SNRPN: variants seen among roughly 807,000 people sequenced by gnomAD.
SNRPN encodes small nuclear ribonucleoprotein-associated protein N.
Under a neutral mutation model 25.2 loss-of-function variants are expected in SNRPN, and 7 were observed. The ratio of observed to expected loss-of-function variants is 0.28; its 90% CI spans 0.16 to 0.52. The LOEUF (loss-of-function observed/expected upper bound fraction) is 0.52. Among genes scored for constraint, SNRPN ranks in the 20% least tolerant of loss-of-function variants. The pLI is 0.96. For missense variants in SNRPN, 196 were observed against 322.5 expected (o/e 0.61, Z 3.00); for synonymous variants, 124 against 110.6 (o/e 1.12, Z -0.76).
At chr15:24,972,569 G>T (rs2076558347) in intron 3 of SNRPN, among the ~76,000 whole-genome samples, 1 of 142,028 alleles carries the variant, frequency 7.0e-6, no homozygotes, top group Non-Finnish European at 1.5e-5. Context: ...TTGAGATGGA[G>T]TTTCACTCTT....
chr15:24,867,296 A>G (rs771332755), intron 1 of SNRPN, among the ~76,000 whole-genome samples: 18 of 152,072 alleles, frequency 1.2e-4, no homozygotes, highest in African/African-American at 2.2e-4. Context: ...ACTCTTTTTA[A>G]TAATAGCCTT....
At chr15:24,830,217 T>C (rs1295264852) in intron 2 of SNRPN, among the ~76,000 whole-genome samples, 6 of 152,084 alleles carry the variant, frequency 3.9e-5, no homozygotes, top group African/African-American at 1.5e-4. Flanking sequence ...ATTTCCTGAC[T>C]TGGTAGCCAA....
chr15:24,868,870 C>G (rs12902043), intron 1 of SNRPN, among the ~76,000 whole-genome samples: 1 of 152,006 alleles, frequency 6.6e-6, no homozygotes, highest in South Asian at 2.1e-4. Context: ...GGTGCAATAG[C>G]TCACACCGGT....
chr15:24,885,996 C>T (rs567563093), intron 1 of SNRPN, among the ~76,000 whole-genome samples: 1 of 152,254 alleles, frequency 6.6e-6, no homozygotes, highest in Admixed American at 6.5e-5. Context: ...AGTACATAGC[C>T]TCACTTCTCT....
intron 1 of SNRPN, among the ~76,000 whole-genome samples, chr15:24,881,263 C>T (rs549858173): frequency 2.0e-5 from 3 of 151,826 alleles, no homozygotes; most frequent in South Asian, 2.1e-4. Flanking sequence ...TGGCTCATGC[C>T]TGTAATCTCA....
In SNRPN at chr15:24,881,526, C is replaced by CGA. The variant is rs758798894; in HGVS notation, c.-578-4962_-578-4961dup. 5.0e-3 allele frequency among the ~76,000 whole-genome samples: 360 copies of CGA among 72,212 alleles called. 1 individual carries two copies. The highest frequency in any genetic ancestry group is 0.02 in the Middle Eastern group (2 of 102). The allele number at this position is 72,212 out of a possible 152,430, so 47.4% of individuals were successfully genotyped here. A position where few individuals can be genotyped will look rare whatever the true frequency, so the allele number is the denominator to read the frequency against. On this transcript the variant is annotated intron_variant, in intron 1 of 11. Transcript: ENST00000400097. ...AGCCTGGGCAACAAGAGCGAAACTC[C>CGA]GAGAGAGAGAGAGAGAGAGAGAGAG... is the stretch of plus-strand genomic sequence containing the variant.
intron 3 of SNRPN, among the ~76,000 whole-genome samples, chr15:24,973,637 T>G (rs1423051212): frequency 6.6e-6 from 1 of 152,182 alleles, no homozygotes; most frequent in African/African-American, 2.4e-5. Context: ...TGACCTCAGG[T>G]GATCCACCTG....
intron 2 of SNRPN, among the ~76,000 whole-genome samples, chr15:24,904,450 C>A (rs1266071883): frequency 6.6e-6 from 1 of 151,988 alleles, no homozygotes; most frequent in Non-Finnish European, 1.5e-5. Context: ...AGGTTAGGAG[C>A]TCAAGACCGG....
intron 2 of SNRPN, among the ~76,000 whole-genome samples, chr15:24,966,251 C>T (rs560906745): frequency 5.9e-5 from 9 of 152,012 alleles, no homozygotes; most frequent in African/African-American, 2.2e-4. Flanking sequence ...TTATAAATGA[C>T]TAGTAGATCT....
chr15:24,839,543 C>T (rs920288948), intron 2 of SNRPN, among the ~76,000 whole-genome samples: 3 of 152,084 alleles, frequency 2.0e-5, no homozygotes, highest in Admixed American at 6.5e-5. Context: ...CTGTCAGCAA[C>T]GGCCCACACA....
intron 1 of SNRPN, among the ~76,000 whole-genome samples, chr15:24,875,008 G>A (rs1017381827): frequency 5.4e-4 from 82 of 152,126 alleles, no homozygotes; most frequent in African/African-American, 1.8e-3. Context: ...AATTGTAAGT[G>A]ATAAGATGTA....
At chr15:24,853,584 G>A (rs563253455), upstream of SNRPN, among the ~76,000 whole-genome samples, 14 of 152,132 alleles carry the variant, frequency 9.2e-5, no homozygotes, top group African/African-American at 2.9e-4. Flanking sequence ...TAGTGGAGAC[G>A]GGGTTTCACC....
At chr15:24,881,742 A>T (rs949535319) in intron 1 of SNRPN, among the ~76,000 whole-genome samples, 1 of 152,182 alleles carries the variant, frequency 6.6e-6, no homozygotes, top group Non-Finnish European at 1.5e-5. Context: ...CATAAAGTGC[A>T]TCTAGATTTT....
chr15:24,901,283 A>C (rs1027817093), intron 2 of SNRPN, among the ~76,000 whole-genome samples: 3 of 152,176 alleles, frequency 2.0e-5, no homozygotes, highest in Admixed American at 2.0e-4. Context: ...GGGATGTACC[A>C]GTAATCAGAA....
chr15:24,963,813 T>C (rs1217652620), intron 2 of SNRPN, among the ~76,000 whole-genome samples: 2 of 151,838 alleles, frequency 1.3e-5, no homozygotes, highest in Non-Finnish European at 2.9e-5. Context: ...CTGAGGTGGA[T>C]CACTTGAGCC....
At chr15:24,834,751 C>CTCTCTCTCTCTCTCTATATATATA in intron 2 of SNRPN, among the ~76,000 whole-genome samples, 21 of 60,944 alleles carry the variant, frequency 3.4e-4, no homozygotes, top group African/African-American at 4.2e-4. Flanking sequence ...CTCTCTCTCT[C>CTCTCTCTCTCTCTCTATATATATA]TATATATATA....
At chr15:24,964,712 T>G (rs555967312) in intron 2 of SNRPN, among the ~76,000 whole-genome samples, 3 of 152,208 alleles carry the variant, frequency 2.0e-5, no homozygotes, top group Admixed American at 6.5e-5. Flanking sequence ...TTTAGGACTC[T>G]TAGGTTTAGG....
intron 3 of SNRPN, among the ~76,000 whole-genome samples, chr15:24,973,585 A>G (rs755399198): frequency 6.6e-6 from 1 of 151,410 alleles, no homozygotes; most frequent in Non-Finnish European, 1.5e-5. Flanking sequence ...TTTCTAGCAG[A>G]GACGGGATTT....
At chr15:24,881,544 AGAGAGAGAGAGGGAGGGAGG>A (rs2056616322) in intron 1 of SNRPN, among the ~76,000 whole-genome samples, 1 of 61,548 alleles carries the variant, frequency 1.6e-5, no homozygotes, top group Non-Finnish European at 3.2e-5. Context: ...AGAGAGAGAG[AGAGAGAGAGAGGGAGGGAGG>A]GAGGGAGGGA....
Sources: allele counts gnomAD v4.1 joint callset (sites outside exome capture counted in the v4.1 genomes callset), GRCh38; gene constraint gnomAD v4.1.1; transcripts MANE v1.5; gene names NCBI Gene and HGNC (gene_info 2026-07-23, HGNC 2026-07-21).